The following CDH4 variants were observed in gnomAD, a reference collection of about 807,000 sequenced individuals.
CDH4 encodes cadherin-4.
CDH4 carries 33 observed loss-of-function variants against 86.0 expected under a neutral mutation model. That is an observed-to-expected ratio of 0.38 (90% CI 0.29 to 0.51). CDH4 has a LOEUF of 0.51. Among genes scored for constraint, CDH4 ranks in the 20% least tolerant of loss-of-function variants. The probability of loss-of-function intolerance (pLI) is 0.86; values close to 1 mark genes in which losing one functional copy is unlikely to be tolerated. For missense variants in CDH4, 1,114 were observed against 1,307.4 expected, an observed-to-expected ratio of 0.85 and a Z score of 2.28; for synonymous variants, 555 against 549.4, an observed-to-expected ratio of 1.01 and a Z score of -0.14.
rs527384594 is a variant in CDH4, at chr20:61,393,150, T to C, written c.169+138213T>C. 5.0e-4 allele frequency among the ~76,000 whole-genome samples: 76 copies of C among 152,234 alleles called. 1 individual carries two copies. Among genetic ancestry groups the C allele is most frequent in the Middle Eastern group, 6.8e-3 (2 of 294 alleles). ...TATTATCTCATCTGACCTGAGGGCC[T>C]TCATTTGGTTTATACAGAGCAGTCT... On this transcript the variant is annotated intron_variant, in intron 2 of 15. Transcript: ENST00000614565. The surrounding 1 kb of genome is among the most constrained non-coding windows in gnomAD (Gnocchi z 4.3).
chr20:61,550,969 TGGTC>T (rs1419981761), intron 2 of CDH4, among the ~76,000 whole-genome samples: 2 of 152,242 alleles, frequency 1.3e-5, no homozygotes, highest in African/African-American at 2.4e-5. Context: ...ATTCTGCAGT[TGGTC>T]AGTCAGACAG....
At chr20:61,697,037 A>T (rs894050141) in intron 2 of CDH4, among the ~76,000 whole-genome samples, 4 of 152,182 alleles carry the variant, frequency 2.6e-5, no homozygotes, top group African/African-American at 9.7e-5. Flanking sequence ...GCCCTCCCCT[A>T]GAGCCTTCGG....
intron 2 of CDH4, among the ~76,000 whole-genome samples, chr20:61,290,999 T>C (rs1027731774): frequency 6.6e-6 from 1 of 152,186 alleles, no homozygotes; most frequent in African/African-American, 2.4e-5. Context: ...TGTTCGTTTT[T>C]CTTGACTTTA....
intron 7 of CDH4, among the ~76,000 whole-genome samples, chr20:61,887,844 C>T (rs1435539431): frequency 6.6e-6 from 1 of 152,208 alleles, no homozygotes; most frequent in Admixed American, 6.5e-5. Context: ...GAGGCAGCCA[C>T]AGCCAAATAA....
chr20:61,845,075 G>A (rs1186603749), intron 5 of CDH4, among the ~76,000 whole-genome samples: 1 of 137,774 alleles, frequency 7.3e-6, no homozygotes, highest in African/African-American at 2.5e-5. Flanking sequence ...CAGGACGCAA[G>A]TCAGGCCTGG....
Position 61,653,916 on chromosome 20 carries a change from G to A in CDH4, c.170-89647G>A, listed in dbSNP as rs866067486. Among the ~76,000 whole-genome samples the A allele has an allele frequency of 7.3e-5, 9 of 123,678 alleles. 2 individuals carry two copies. The highest frequency in any genetic ancestry group is 4.2e-4 in the East Asian group (2 of 4,752). The allele number at this position is 123,678 out of a possible 152,430, so 81.1% of individuals were successfully genotyped here. ...ACTTCCTAGATGGGATGGCGGCCGC[G>A]CAGAGACACTCCTCACTTTCCAGAC... On this transcript the variant is annotated intron_variant, in intron 2 of 15. Coordinates refer to ENST00000614565, the MANE Select transcript of CDH4 (RefSeq NM_001794.5).
At chr20:61,870,599 C>G (rs1009778043) in intron 6 of CDH4, among the ~76,000 whole-genome samples, 6 of 152,174 alleles carry the variant, frequency 3.9e-5, no homozygotes, top group Non-Finnish European at 8.8e-5. Flanking sequence ...CATGTGGATC[C>G]TCACAGGTTT....
chr20:61,865,391 C>G (rs1365373888), intron 6 of CDH4, among the ~76,000 whole-genome samples: 1 of 151,540 alleles, frequency 6.6e-6, no homozygotes, highest in Non-Finnish European at 1.5e-5. Context: ...TAATGGTTGG[C>G]TTCCTGGCTG....
chr20:61,506,881 C>T (rs573092658), intron 2 of CDH4, among the ~76,000 whole-genome samples: 7 of 152,166 alleles, frequency 4.6e-5, no homozygotes, highest in South Asian at 4.2e-4. Context: ...CACTGTGGGT[C>T]GGGAGATTTT....
intron 2 of CDH4, among the ~76,000 whole-genome samples, chr20:61,471,993 C>T (rs990319159): frequency 6.6e-6 from 1 of 152,230 alleles, no homozygotes; most frequent in African/African-American, 2.4e-5. Context: ...TTGGATGATA[C>T]GTTCTGTAAA....
chr20:61,626,290 C>T (rs964364864), intron 2 of CDH4, among the ~76,000 whole-genome samples: 4 of 152,152 alleles, frequency 2.6e-5, no homozygotes, highest in African/African-American at 9.7e-5. Context: ...CAGCTGGAGG[C>T]GACCTCTGCA....
At chr20:61,446,892 A>G (rs1052036004) in intron 2 of CDH4, among the ~76,000 whole-genome samples, 6 of 152,170 alleles carry the variant, frequency 3.9e-5, no homozygotes, top group Non-Finnish European at 7.4e-5. Context: ...ACACATTTTT[A>G]TATGTCATTA....
chr20:61,725,300 C>T (rs2088097123), intron 2 of CDH4, among the ~76,000 whole-genome samples: 1 of 152,206 alleles, frequency 6.6e-6, no homozygotes, highest in African/African-American at 2.4e-5. Flanking sequence ...CCTCCCCGAG[C>T]TGGTCATAGA....
chr20:61,543,799 G>A (rs559832113), intron 2 of CDH4, among the ~76,000 whole-genome samples: 3 of 152,294 alleles, frequency 2.0e-5, no homozygotes, highest in East Asian at 3.9e-4. Flanking sequence ...CTGAGATGGC[G>A]CCTTCCTTGC....
At chr20:61,348,358 A>T (rs2084691493) in intron 2 of CDH4, among the ~76,000 whole-genome samples, 1 of 152,126 alleles carries the variant, frequency 6.6e-6, no homozygotes, top group South Asian at 2.1e-4. Flanking sequence ...ACCCACCCCC[A>T]TGATTCAATT....
At chr20:61,607,966 C>G (rs1408826450) in intron 2 of CDH4, among the ~76,000 whole-genome samples, 1 of 152,198 alleles carries the variant, frequency 6.6e-6, no homozygotes, top group African/African-American at 2.4e-5. Flanking sequence ...CCTGAGGCTT[C>G]CTCCTCTCCT....
chr20:61,524,645 C>T (rs934867010), intron 2 of CDH4, among the ~76,000 whole-genome samples: 4 of 152,100 alleles, frequency 2.6e-5, no homozygotes, highest in South Asian at 2.1e-4. Context: ...CCACCAAGCC[C>T]AGCTAATTTC....
chr20:61,601,595 C>T (rs745665547), intron 2 of CDH4, among the ~76,000 whole-genome samples: 2 of 152,198 alleles, frequency 1.3e-5, no homozygotes, highest in Non-Finnish European at 2.9e-5. Flanking sequence ...CACCCTCTGC[C>T]CTCCTGTGTG....
intron 2 of CDH4, among the ~76,000 whole-genome samples, chr20:61,692,158 T>C (rs1184833816): frequency 6.6e-6 from 1 of 150,942 alleles, no homozygotes; most frequent in African/African-American, 2.4e-5. Context: ...TGTATGTATG[T>C]GTGTCTGCAT....
Sources: allele counts gnomAD v4.1 joint callset (sites outside exome capture counted in the v4.1 genomes callset), GRCh38; gene constraint gnomAD v4.1.1; non-coding constraint Gnocchi (gnomAD v3.1); transcripts MANE v1.5; gene names NCBI Gene and HGNC (gene_info 2026-07-23, HGNC 2026-07-21).